ORC4: variants seen among roughly 807,000 people sequenced by gnomAD.
ORC4 encodes the protein origin recognition complex, subunit 4 homolog.
ORC4 carries 55 observed loss-of-function variants against 63.9 expected under a neutral mutation model. That is an observed-to-expected ratio of 0.86 (90% CI 0.69 to 1.08). The LOEUF is 1.08. Among genes scored for constraint, ORC4 ranks in the 50% least tolerant of loss-of-function variants. The pLI is 0.00. For synonymous variants in ORC4, 150 were observed against 168.5 expected, an observed-to-expected ratio of 0.89 and a Z score of 0.85; for missense variants, 511 against 504.4, an observed-to-expected ratio of 1.01 and a Z score of -0.13.
At chr2:147,990,152 C>T (rs1322652584) in intron 1 of ORC4, among the ~76,000 whole-genome samples, 4 of 152,194 alleles carry the variant, frequency 2.6e-5, no homozygotes, top group Admixed American at 2.6e-4. Flanking sequence ...CTTCACACGG[C>T]TGACATTTCT....
intron 1 of ORC4, among the ~76,000 whole-genome samples, chr2:148,002,522 T>C (rs1434167437): frequency 6.6e-6 from 1 of 151,984 alleles, no homozygotes; most frequent in African/African-American, 2.4e-5. Context: ...ACTGGGTAAA[T>C]AACAAAATTA....
intron 1 of ORC4, among the ~76,000 whole-genome samples, chr2:147,995,128 A>G (rs1378426748): frequency 6.6e-6 from 1 of 151,704 alleles, no homozygotes; most frequent in African/African-American, 2.4e-5. Context: ...CTGTAAATGC[A>G]CCAATCAGCA....
chr2:147,960,345 A>C, intron 4 of ORC4: 3 of 978,468 alleles, frequency 3.1e-6, no homozygotes, highest in Non-Finnish European at 3.6e-6. Context: ...GTCTTCAAAT[A>C]ATGTTAGTTC....
intron 1 of ORC4, among the ~76,000 whole-genome samples, chr2:148,009,801 G>T (rs1489336496): frequency 6.6e-6 from 1 of 152,142 alleles, no homozygotes; most frequent in East Asian, 1.9e-4. Context: ...CTCAAGGATG[G>T]ATCCTAAATT....
chr2:147,966,310 T>G (rs970084461), intron 4 of ORC4, among the ~76,000 whole-genome samples: 1 of 151,732 alleles, frequency 6.6e-6, no homozygotes, highest in African/African-American at 2.4e-5. Flanking sequence ...TCCAAAAAAT[T>G]AGAAAAATTT....
chr2:147,974,826 A>C (rs1489773197), intron 2 of ORC4, among the ~76,000 whole-genome samples: 3 of 140,446 alleles, frequency 2.1e-5, no homozygotes, highest in African/African-American at 5.5e-5. Context: ...AAAAAAAAAA[A>C]CCCAGAAAAC....
At chr2:148,010,375 T>A in intron 1 of ORC4, among the ~76,000 whole-genome samples, 1 of 148,740 alleles carries the variant, frequency 6.7e-6, no homozygotes, top group Non-Finnish European at 1.5e-5. Context: ...GAAATAAAAT[T>A]GAGACAAAAA....
chr2:147,939,352 A>G, intron 10 of ORC4, 104 bp from the exon 11 acceptor site: 1 of 722,938 alleles, frequency 1.4e-6, no homozygotes, highest in South Asian at 1.5e-5. Flanking sequence ...AAGGGAGAGT[A>G]AATATTAATG....
At chr2:148,014,602 A>G (rs1235345140) in intron 1 of ORC4, among the ~76,000 whole-genome samples, 1 of 152,188 alleles carries the variant, frequency 6.6e-6, no homozygotes, top group Non-Finnish European at 1.5e-5. Flanking sequence ...ACAAACAACA[A>G]ATGAACTATG....
chr2:147,942,325 A>G (rs1688409396), intron 10 of ORC4, among the ~76,000 whole-genome samples: 1 of 152,150 alleles, frequency 6.6e-6, no homozygotes, highest in African/African-American at 2.4e-5. Flanking sequence ...TAGTGAAGAA[A>G]GTTAATTTTC....
At chr2:147,986,786 C>CACAT (rs1247531769) in intron 1 of ORC4, among the ~76,000 whole-genome samples, 2 of 112,642 alleles carry the variant, frequency 1.8e-5, no homozygotes, top group Non-Finnish European at 3.6e-5. Flanking sequence ...GACACACACA[C>CACAT]ACATACACAC....
intron 4 of ORC4, among the ~76,000 whole-genome samples, chr2:147,972,237 T>C (rs903997247): frequency 1.3e-5 from 2 of 152,112 alleles, no homozygotes; most frequent in African/African-American, 4.8e-5. Context: ...GAGCATGCAC[T>C]GAAAAACTGT....
intron 1 of ORC4, among the ~76,000 whole-genome samples, chr2:147,985,669 G>C (rs1167350466): frequency 6.6e-6 from 1 of 152,116 alleles, no homozygotes; most frequent in East Asian, 1.9e-4. Context: ...CTCATCTTAG[G>C]TTAGTTCTAA....
At position 147,939,254 on chromosome 2, in the gene ORC4, G is replaced by GA. The variant is rs1156344177; in HGVS notation, c.850-7dup. The GA allele has an allele frequency of 2.0e-5, 31 of 1,579,360 alleles. No homozygotes were observed. The highest frequency in any genetic ancestry group is 2.7e-5 in the Non-Finnish European group (31 of 1,148,842). On this transcript the variant is annotated splice_region_variant and splice_polypyrimidine_tract_variant and intron_variant, in intron 10 of 13. Coordinates refer to ENST00000392857, the MANE Select transcript of ORC4 (RefSeq NM_181741.4). ...ACTCGATTTAAAGCAAGCATCTAGGGAAAGACAGATCAGAAAAACAATTAC... is the reference window on the plus strand; with the variant it reads ...ACTCGATTTAAAGCAAGCATCTAGGGAAAAGACAGATCAGAAAAACAATTAC...
intron 1 of ORC4, among the ~76,000 whole-genome samples, chr2:148,002,826 C>G (rs983869668): frequency 5.9e-5 from 9 of 152,090 alleles, no homozygotes; most frequent in Non-Finnish European, 1.0e-4. Context: ...AATCCAGGAG[C>G]TGCTTTTTTG....
chr2:147,991,460 T>C (rs1229351152), intron 1 of ORC4, among the ~76,000 whole-genome samples: 3 of 152,168 alleles, frequency 2.0e-5, no homozygotes, highest in African/African-American at 4.8e-5. Flanking sequence ...TAAATAGTTA[T>C]GAAATAAACA....
At chr2:147,998,176 C>CA (rs1248786815) in intron 1 of ORC4, among the ~76,000 whole-genome samples, 1 of 151,972 alleles carries the variant, frequency 6.6e-6, no homozygotes, top group Non-Finnish European at 1.5e-5. Context: ...GTAAACAATA[C>CA]AAAAAAGAAA....
chr2:147,962,504 T>A (rs539371137), intron 4 of ORC4, among the ~76,000 whole-genome samples: 1 of 152,060 alleles, frequency 6.6e-6, no homozygotes, highest in Non-Finnish European at 1.5e-5. Flanking sequence ...CAAGCCCACA[T>A]AGGTGGCTGA....
intron 9 of ORC4, among the ~76,000 whole-genome samples, chr2:147,945,836 C>A (rs1435381194): frequency 2.0e-5 from 3 of 152,050 alleles, no homozygotes; most frequent in Non-Finnish European, 4.4e-5. Context: ...GCAGCTACCA[C>A]CCTACTCCAC....
Sources: allele counts gnomAD v4.1 joint callset (sites outside exome capture counted in the v4.1 genomes callset), GRCh38; gene constraint gnomAD v4.1.1; transcripts MANE v1.5; gene names NCBI Gene and HGNC (gene_info 2026-07-23, HGNC 2026-07-21).